Variants in ACOT12 observed in about 807,000 individuals in gnomAD.
ACOT12 encodes acyl-CoA thioesterase 12.
ACOT12 carries 51 observed loss-of-function variants against 67.7 expected under a neutral mutation model. That is an observed-to-expected ratio of 0.75 (90% CI 0.60 to 0.95). ACOT12 has a LOEUF of 0.95. Ranked by LOEUF, ACOT12 falls within the 40% of genes least tolerant of loss-of-function variation. The pLI, the probability that ACOT12 is intolerant of heterozygous loss-of-function variation, is 0.00. For synonymous variants in ACOT12, 251 were observed against 244.6 expected (o/e 1.03, Z -0.24); for missense variants, 734 against 708.1 (o/e 1.04, Z -0.41).
At chr5:81,316,502 C>A in the ACOT12 span, among the ~76,000 whole-genome samples, 52 of 152,280 alleles carry the variant, frequency 3.4e-4, no homozygotes, top group East Asian at 0.01. Flanking sequence ...TTTTATTCAT[C>A]AGTTGATGGG....
chr5:81,315,472 G>C, the ACOT12 span, among the ~76,000 whole-genome samples: 1 of 152,132 alleles, frequency 6.6e-6, no homozygotes, highest in Non-Finnish European at 1.5e-5. Flanking sequence ...CCAGATTATA[G>C]GTTACACGAG....
intron 11 of ACOT12, among the ~76,000 whole-genome samples, chr5:81,338,908 C>T (rs963469733): frequency 2.0e-5 from 3 of 152,174 alleles, no homozygotes; most frequent in Non-Finnish European, 2.9e-5. Context: ...TGGTGAAACC[C>T]TGTCTCTACT....
At chr5:81,362,916 G>C (rs960896897) in intron 4 of ACOT12, among the ~76,000 whole-genome samples, 5 of 152,170 alleles carry the variant, frequency 3.3e-5, no homozygotes, top group African/African-American at 7.2e-5. Flanking sequence ...TTTAATGTTA[G>C]ACTGAGAGTG....
At chr5:81,390,947 T>C (rs979639967) in intron 1 of ACOT12, among the ~76,000 whole-genome samples, 2 of 152,234 alleles carry the variant, frequency 1.3e-5, no homozygotes, top group African/African-American at 4.8e-5. Flanking sequence ...TCAAGTAATT[T>C]TGGATAATAT....
the ACOT12 span, among the ~76,000 whole-genome samples, chr5:81,310,157 TAA>T: frequency 0.2 from 21,356 of 104,474 alleles, 2,082 homozygotes; most frequent in Admixed American, 0.33. Context: ...TGACTAGCTG[TAA>T]AAAAAAAAAA....
intron 4 of ACOT12, among the ~76,000 whole-genome samples, 156 bp downstream of exon 4, chr5:81,363,632 G>A (rs1759984743): frequency 6.6e-6 from 1 of 152,062 alleles, no homozygotes; most frequent in Non-Finnish European, 1.5e-5. Flanking sequence ...TTACCACAGA[G>A]TGATAACTTT....
the ACOT12 span, chr5:81,313,437 A>G: frequency 6.6e-6 from 1 of 152,236 alleles, no homozygotes; most frequent in Non-Finnish European, 1.5e-5. Flanking sequence ...GGCAGATAAC[A>G]GATGGTATAA....
chr5:81,314,615 A>T, the ACOT12 span, among the ~76,000 whole-genome samples: 1 of 152,260 alleles, frequency 6.6e-6, no homozygotes, highest in African/African-American at 2.4e-5. Context: ...GAAGGCAAAC[A>T]ATTTATTCAT....
intron 12 of ACOT12, 110 bp downstream of exon 12, chr5:81,335,658 T>C (rs776691407): frequency 1.5e-6 from 2 of 1,319,356 alleles, no homozygotes; most frequent in Non-Finnish European, 2.1e-6. Flanking sequence ...CTAAAAATAC[T>C]CTTTAAACAA....
the ACOT12 span, among the ~76,000 whole-genome samples, chr5:81,309,572 G>A: frequency 2.0e-5 from 3 of 152,198 alleles, no homozygotes; most frequent in Non-Finnish European, 4.4e-5. Flanking sequence ...GGCGGAGGTT[G>A]TTATCTGTTA....
At chr5:81,368,727 A>G (rs1315358453) in intron 3 of ACOT12, among the ~76,000 whole-genome samples, 3 of 152,110 alleles carry the variant, frequency 2.0e-5, no homozygotes, top group Admixed American at 6.5e-5. Flanking sequence ...TCAATTTCCC[A>G]AGATTCTACC....
At chr5:81,392,435 T>C (rs1760890500) in intron 1 of ACOT12, among the ~76,000 whole-genome samples, 1 of 152,240 alleles carries the variant, frequency 6.6e-6, no homozygotes, top group Non-Finnish European at 1.5e-5. Context: ...AATATTATAC[T>C]ACTAATAGTA....
In ACOT12 at chr5:81,335,796, T is replaced by G. The variant is rs372394141; in HGVS notation, c.1234A>C (p.Lys412Gln). The change falls in exon 12 of 15, where the codon AAG becomes CAG. Residue 412 changes from lysine (K) to glutamine (Q), a missense_variant. Transcript: ENST00000307624. ...LAYRLLSDFT[K>Q]RPLWDPHFVS... ...AAATGGGGGTCCCACAAAGGTCGCT[T>G]TGTAAAGTCAGACAAGAGACGATAA... 6.2e-7 allele frequency: 1 copy of G among 1,612,246 alleles called. No homozygotes were observed. The highest frequency in any genetic ancestry group is 1.3e-5 in the African/African-American group (1 of 74,932).
the ACOT12 span, among the ~76,000 whole-genome samples, chr5:81,320,375 G>A: frequency 6.6e-6 from 1 of 152,202 alleles, no homozygotes. Context: ...TACCCTCAAC[G>A]TAAGAGTGAA....
At chr5:81,349,602 G>C (rs2153850823) in intron 5 of ACOT12, among the ~76,000 whole-genome samples, 1 of 152,160 alleles carries the variant, frequency 6.6e-6, no homozygotes, top group African/African-American at 2.4e-5. Context: ...CCCACCTTCA[G>C]GGTCTCTTGA....
rs938139797 is a variant in ACOT12 at position 81,330,444 on chromosome 5, T to C, written c.1618A>G (p.Ile540Val). 3.1e-6 allele frequency: 5 copies of C among 1,614,132 alleles called. No homozygotes were observed. The highest frequency in any genetic ancestry group is 1.3e-5 in the African/African-American group (1 of 75,060). ...KSIEETAASC[I>V]QFLENPPDDG... ...TCAGGAGGATTCTCTAAGAACTGTA[T>C]ACAAGAGGCTGCTGTTTCTTCAATG... The change falls in exon 15 of 15, where the codon ATA becomes GTA. Residue 540 changes from isoleucine (I) to valine (V), a missense_variant. Ile to Val is a conservative substitution (Grantham distance 29). Coordinates refer to ENST00000307624, the MANE Select transcript of ACOT12 (RefSeq NM_130767.3).
Position 81,342,718 on chromosome 5 carries a change from T to G in ACOT12, c.1082A>C (p.Lys361Thr). ...CTCCCAACCCCTTTTGGCTGCCAGTTTTTTGAGGGCCTCCACATTGCTGTC... is the reference window on the plus strand; with the variant it reads ...CTCCCAACCCCTTTTGGCTGCCAGTGTTTTGAGGGCCTCCACATTGCTGTC... Reference protein sequence around the residue: ...LSDSNVEALKKLAAKRGWEVT... With the variant: ...LSDSNVEALKTLAAKRGWEVT... The change falls in exon 11 of 15, where the codon AAA (lysine) becomes ACA (threonine). Residue 361 changes from lysine to threonine, a missense_variant. Lys to Thr is a moderately conservative substitution (Grantham distance 78). Transcript: ENST00000307624. 1.2e-6 allele frequency: 2 copies of G among 1,614,158 alleles called. No individual in the cohort carries two copies. The highest frequency in any genetic ancestry group is 1.1e-5 in the South Asian group (1 of 91,076).
intron 6 of ACOT12, among the ~76,000 whole-genome samples, chr5:81,347,191 C>T (rs1258822867): frequency 1.3e-5 from 2 of 152,120 alleles, no homozygotes; most frequent in Admixed American, 6.5e-5. Flanking sequence ...GATCATAGCT[C>T]ACTGTAGCTT....
intron 2 of ACOT12, among the ~76,000 whole-genome samples, chr5:81,378,227 C>A (rs1051417782): frequency 2.0e-5 from 3 of 152,124 alleles, no homozygotes; most frequent in Admixed American, 2.0e-4. Flanking sequence ...CAAAAACAAG[C>A]AATGGAGAAA....
Sources: allele counts gnomAD v4.1 joint callset (sites outside exome capture counted in the v4.1 genomes callset), GRCh38; gene constraint gnomAD v4.1.1; transcripts MANE v1.5; gene names NCBI Gene and HGNC (gene_info 2026-07-23, HGNC 2026-07-21).